Variants in DGKH observed in about 807,000 individuals in gnomAD.
The protein encoded by DGKH is DAG kinase eta.
In DGKH, 90 loss-of-function variants were observed where a neutral mutation model predicts 159.3. The observed-to-expected ratio is 0.57, with a 90% CI of 0.48 to 0.67. The LOEUF (loss-of-function observed/expected upper bound fraction) is 0.67. Ranked by LOEUF, DGKH falls within the 30% of genes least tolerant of loss-of-function variation. The pLI, the probability that DGKH is intolerant of heterozygous loss-of-function variation, is 0.00. For synonymous variants in DGKH, 536 were observed against 553.8 expected (o/e 0.97, Z 0.45); for missense variants, 1,181 against 1,506.1 (o/e 0.78, Z 3.57).
intron 12 of DGKH, 64 bp downstream of exon 12, chr13:42,174,208 A>G (rs1956544586): frequency 1.5e-6 from 2 of 1,325,182 alleles, no homozygotes; most frequent in South Asian, 1.3e-5. Flanking sequence ...AAAAAAAAGA[A>G]AGAGAGAGAA....
intron 12 of DGKH, among the ~76,000 whole-genome samples, chr13:42,176,133 T>A (rs1200735983): frequency 2.0e-5 from 3 of 152,236 alleles, no homozygotes; most frequent in African/African-American, 7.2e-5. Flanking sequence ...AGAAATTGTA[T>A]TTTTTGATCT....
intron 11 of DGKH, 94 bp from the exon 12 acceptor site, chr13:42,173,966 T>TGC (rs753631602): frequency 1.4e-4 from 70 of 493,036 alleles, no homozygotes; most frequent in East Asian, 6.5e-4. Context: ...TGTGCGTGCG[T>TGC]GTGTGTGTGT....
chr13:42,131,635 G>T (rs1955293135), intron 3 of DGKH, among the ~76,000 whole-genome samples: 1 of 152,198 alleles, frequency 6.6e-6, no homozygotes, highest in African/African-American at 2.4e-5. Flanking sequence ...GTAGTGAGTG[G>T]TGTCTACCAA....
intron 1 of DGKH, among the ~76,000 whole-genome samples, chr13:42,082,943 C>G (rs1954227237): frequency 6.6e-6 from 1 of 152,126 alleles, no homozygotes; most frequent in African/African-American, 2.4e-5. Context: ...AATAATAGTT[C>G]TAGTTCTTCG....
chr13:42,151,594 C>T lies in DGKH; in HGVS notation c.385-3697C>T, dbSNP rs1594101998. ...TTATATGTATACACACACACACACA[C>T]ACACACACACACACACACACCCCAT... is the stretch of plus-strand genomic sequence containing the variant. On this transcript the variant is annotated intron_variant, in intron 3 of 29. Coordinates refer to ENST00000337343, the MANE Select transcript of DGKH (RefSeq NM_178009.5). Among the ~76,000 whole-genome samples, 4 of 117,150 alleles carry T rather than the reference C, an allele frequency of 3.4e-5. No homozygotes were observed. In the Middle Eastern group the frequency reaches 0.013, roughly 369 times the overall value. 76.9% of individuals were successfully genotyped at this position (117,150 alleles called of 152,430 possible).
At chr13:42,164,093 T>A (rs979202790) in intron 7 of DGKH, among the ~76,000 whole-genome samples, 1 of 152,186 alleles carries the variant, frequency 6.6e-6, no homozygotes, top group African/African-American at 2.4e-5. Context: ...AACAGCAGGA[T>A]ATCTAGTGCC....
intron 1 of DGKH, among the ~76,000 whole-genome samples, chr13:42,077,661 G>A (rs946261193): frequency 6.6e-6 from 1 of 152,174 alleles, no homozygotes; most frequent in Non-Finnish European, 1.5e-5. Flanking sequence ...AGTGATTTAG[G>A]TCAGCCTATT....
At chr13:42,250,140 T>A (rs778805365) in intron 29 of DGKH, among the ~76,000 whole-genome samples, 11 of 151,948 alleles carry the variant, frequency 7.2e-5, no homozygotes, top group Non-Finnish European at 1.3e-4. Flanking sequence ...CTAGCTAATT[T>A]TTGTGTTTTT....
At chr13:42,225,113 G>A (rs1220010977) in intron 29 of DGKH, among the ~76,000 whole-genome samples, 1 of 152,084 alleles carries the variant, frequency 6.6e-6, no homozygotes, top group Non-Finnish European at 1.5e-5. Context: ...TGTAGAGACA[G>A]GGTCTTGCTG....
intron 21 of DGKH, among the ~76,000 whole-genome samples, chr13:42,207,032 TCTTTCTTTCC>T (rs1347732255): frequency 5.1e-5 from 7 of 136,740 alleles, no homozygotes; most frequent in African/African-American, 2.0e-4. Context: ...TCTTTTTCTT[TCTTTCTTTCC>T]TTCTTTCCTT....
At chr13:42,093,116 C>T (rs1269163589) in intron 1 of DGKH, among the ~76,000 whole-genome samples, 2 of 151,842 alleles carry the variant, frequency 1.3e-5, no homozygotes, top group Non-Finnish European at 2.9e-5. Flanking sequence ...TGGTGGCACA[C>T]ACTTGTAGTC....
In DGKH at chr13:42,177,536, A is replaced by G. The variant is rs865956719; in HGVS notation, c.1453-599A>G. Among the ~76,000 whole-genome samples the G allele has an allele frequency of 3.3e-5, 5 of 152,324 alleles. No homozygotes were observed. The Middle Eastern group carries it at 0.01, about 311-fold the overall frequency. On this transcript the variant is annotated intron_variant, in intron 12 of 29. Transcript: ENST00000337343. ...AGAAGTTGAATTTCTGAGTCCTGTG[A>G]TATCATTGCATATGTTCAGCTTTAA...
Position 42,234,635 on chromosome 13 carries a change from C to G in DGKH, c.*5447C>G, listed in dbSNP as rs1380356522. 1.3e-5 allele frequency: 2 copies of G among 152,154 alleles called. No homozygotes were observed. The highest frequency in any genetic ancestry group is 4.8e-5 in the African/African-American group (2 of 41,422). 9.4% of individuals were successfully genotyped at this position (152,154 alleles called of 1,614,324 possible). On this transcript the variant is annotated 3_prime_UTR_variant, in exon 30 of 30. Coordinates refer to ENST00000337343, the MANE Select transcript of DGKH (RefSeq NM_178009.5). Reference sequence around the variant, plus strand: ...TAATACAAGTGGCAGTTTTAAAACACCAAATTCTTTAGATCAGCTGAAAAG... The same window carrying G: ...TAATACAAGTGGCAGTTTTAAAACAGCAAATTCTTTAGATCAGCTGAAAAG...
intron 13 of DGKH, among the ~76,000 whole-genome samples, chr13:42,181,212 G>A (rs1386181099): frequency 7.0e-6 from 1 of 143,278 alleles, no homozygotes; most frequent in Non-Finnish European, 1.5e-5. Flanking sequence ...GGGAGGCGGA[G>A]CTTGCAGTGA....
chr13:42,086,478 G>A (rs1407845790), intron 1 of DGKH, among the ~76,000 whole-genome samples: 2 of 151,922 alleles, frequency 1.3e-5, no homozygotes, highest in East Asian at 1.9e-4. Flanking sequence ...TGTATACTGA[G>A]GAAAAAATTA....
intron 29 of DGKH, among the ~76,000 whole-genome samples, chr13:42,226,665 G>A (rs1594244639): frequency 6.6e-6 from 1 of 151,810 alleles, no homozygotes; most frequent in African/African-American, 2.4e-5. Flanking sequence ...ATCAGCCTGG[G>A]CAACATAGTG....
intron 29 of DGKH, among the ~76,000 whole-genome samples, chr13:42,249,537 T>C (rs1429214972): frequency 6.6e-6 from 1 of 152,214 alleles, no homozygotes; most frequent in Non-Finnish European, 1.5e-5. Flanking sequence ...GGCCAGATAG[T>C]AATATTTTCA....
chr13:42,188,957 C>G (rs1956995322), intron 14 of DGKH, 79 bp from the exon 15 acceptor site: 2 of 1,489,212 alleles, frequency 1.3e-6, no homozygotes, highest in South Asian at 1.3e-5. Context: ...CAAAACATCT[C>G]TATAAAAATT....
At chr13:42,053,504 GTAAC>G (rs545030459) in intron 1 of DGKH, among the ~76,000 whole-genome samples, 32 of 137,042 alleles carry the variant, frequency 2.3e-4, no homozygotes, top group African/African-American at 6.9e-4. Flanking sequence ...GTATAGAACT[GTAAC>G]TATACATAAC....
Sources: allele counts gnomAD v4.1 joint callset (sites outside exome capture counted in the v4.1 genomes callset), GRCh38; gene constraint gnomAD v4.1.1; transcripts MANE v1.5; gene names NCBI Gene and HGNC (gene_info 2026-07-23, HGNC 2026-07-21).